Variants in FHIT observed in about 807,000 individuals in gnomAD.
FHIT encodes the protein bis(5'-adenosyl)-triphosphatase.
Under a neutral mutation model 17.9 loss-of-function variants are expected in FHIT, and 19 were observed. That is an observed-to-expected ratio of 1.06 (90% CI 0.74 to 1.56). FHIT has a LOEUF of 1.56. Among genes scored for constraint, FHIT ranks in the 40% most tolerant of loss-of-function variants. FHIT has a pLI of 0.00. For missense variants in FHIT, 248 were observed against 189.2 expected (o/e 1.31, Z -1.82); for synonymous variants, 81 against 69.7 (o/e 1.16, Z -0.81).
intron 5 of FHIT, among the ~76,000 whole-genome samples, chr3:60,386,303 T>C (rs2687169): frequency 0.56 from 84,629 of 151,504 alleles, 24,322 homozygotes; most frequent in Non-Finnish European, 0.65. Context: ...CCACCATCTG[T>C]GAGCTGCACA....
intron 5 of FHIT, among the ~76,000 whole-genome samples, chr3:60,349,784 G>C (rs1331476490): frequency 6.6e-6 from 1 of 152,168 alleles, no homozygotes; most frequent in African/African-American, 2.4e-5. Flanking sequence ...TGGAAAGCCA[G>C]TTCCATTGCT....
chr3:60,082,997 T>C (rs929539739), intron 5 of FHIT, among the ~76,000 whole-genome samples: 6 of 152,132 alleles, frequency 3.9e-5, no homozygotes, highest in African/African-American at 1.2e-4. Flanking sequence ...ATTGTGTTTA[T>C]GTTACATTGC....
At chr3:60,003,593 A>G (rs1295127480) in intron 7 of FHIT, among the ~76,000 whole-genome samples, 2 of 152,132 alleles carry the variant, frequency 1.3e-5, no homozygotes, top group African/African-American at 4.8e-5. Context: ...AAAAATACAA[A>G]TAATAGCTAG....
intron 8 of FHIT, among the ~76,000 whole-genome samples, chr3:59,855,341 T>A (rs1374870175): frequency 6.6e-6 from 1 of 152,216 alleles, no homozygotes; most frequent in East Asian, 1.9e-4. Flanking sequence ...GTCTCCAAGG[T>A]CATTATGTTC....
At chr3:59,968,079 C>T (rs1367095415) in intron 7 of FHIT, among the ~76,000 whole-genome samples, 1 of 152,010 alleles carries the variant, frequency 6.6e-6, no homozygotes. Context: ...GTCAGTTTTC[C>T]ACCTTTACCA....
At chr3:60,573,238 T>C (rs2037448002) in intron 4 of FHIT, among the ~76,000 whole-genome samples, 1 of 152,114 alleles carries the variant, frequency 6.6e-6, no homozygotes, top group Non-Finnish European at 1.5e-5. Context: ...CTGTGTGATA[T>C]TGCACTTTCC....
At chr3:60,612,500 G>A (rs149159649) in intron 4 of FHIT, among the ~76,000 whole-genome samples, 2 of 152,290 alleles carry the variant, frequency 1.3e-5, no homozygotes, top group East Asian at 3.9e-4. Context: ...CCTGGCTTTA[G>A]CAGCAGAGTA....
intron 1 of FHIT, chr3:61,244,265 T>G (rs571459673): frequency 6.6e-6 from 1 of 152,262 alleles, no homozygotes; most frequent in East Asian, 1.9e-4. Context: ...TGATTCTAAC[T>G]TACAGCCAAG....
chr3:61,185,806 A>G (rs1044102962), intron 2 of FHIT, among the ~76,000 whole-genome samples: 1 of 152,160 alleles, frequency 6.6e-6, no homozygotes, highest in Non-Finnish European at 1.5e-5. Context: ...ATTATACACA[A>G]TTTCTATTTT....
chr3:61,187,239 A>C (rs1037174301), intron 2 of FHIT, among the ~76,000 whole-genome samples: 1 of 152,154 alleles, frequency 6.6e-6, no homozygotes, highest in Non-Finnish European at 1.5e-5. Flanking sequence ...TAATGATTCA[A>C]AAAGGAGATT....
chr3:60,299,071 C>G (rs1383971138), intron 5 of FHIT, among the ~76,000 whole-genome samples: 3 of 152,094 alleles, frequency 2.0e-5, no homozygotes. Context: ...TCTGTCCCTG[C>G]CTATGTAAAT....
intron 1 of FHIT, among the ~76,000 whole-genome samples, chr3:61,215,488 T>C (rs1195441902): frequency 6.6e-6 from 1 of 152,100 alleles, no homozygotes; most frequent in African/African-American, 2.4e-5. Context: ...CTCAATGAAA[T>C]AAAAGACGAT....
intron 5 of FHIT, among the ~76,000 whole-genome samples, chr3:60,303,394 G>C (rs1435673623): frequency 2.0e-5 from 3 of 152,154 alleles, no homozygotes; most frequent in African/African-American, 7.2e-5. Flanking sequence ...ACACAGTAAA[G>C]AATTTTGAAG....
intron 5 of FHIT, among the ~76,000 whole-genome samples, chr3:60,449,842 A>T (rs1430505416): frequency 6.6e-6 from 1 of 151,898 alleles, no homozygotes; most frequent in East Asian, 1.9e-4. Flanking sequence ...ATCTCTACTA[A>T]AAATACGAAA....
intron 5 of FHIT, among the ~76,000 whole-genome samples, chr3:60,416,294 C>T (rs1348715932): frequency 2.0e-5 from 3 of 151,918 alleles, no homozygotes; most frequent in Non-Finnish European, 4.4e-5. Context: ...TTGATACAAC[C>T]AATAAAAGGG....
At chr3:60,176,499 ATGTG>A (rs1316421864) in intron 5 of FHIT, among the ~76,000 whole-genome samples, 1 of 152,234 alleles carries the variant, frequency 6.6e-6, no homozygotes, top group African/African-American at 2.4e-5. Flanking sequence ...AGCTTTAAGC[ATGTG>A]TAGTACAGGC....
intron 8 of FHIT, among the ~76,000 whole-genome samples, chr3:59,791,037 C>T (rs1194912876): frequency 1.3e-5 from 2 of 152,142 alleles, no homozygotes; most frequent in African/African-American, 2.4e-5. Flanking sequence ...CCTGACTTTG[C>T]CTGGGCTCCA....
At chr3:60,096,848 GGCAGGAGGAT>G (rs1703970304) in intron 5 of FHIT, among the ~76,000 whole-genome samples, 1 of 151,976 alleles carries the variant, frequency 6.6e-6, no homozygotes, top group Admixed American at 6.6e-5. Flanking sequence ...CTGGGGAAGG[GGCAGGAGGAT>G]GCAAGAGGGA....
At chr3:60,036,621 C>T (rs1337681343) in intron 5 of FHIT, among the ~76,000 whole-genome samples, 3 of 152,086 alleles carry the variant, frequency 2.0e-5, no homozygotes, top group Admixed American at 6.5e-5. Flanking sequence ...CCCATAGTCC[C>T]GCCACCCTAA....
Sources: gnomAD v4.1 joint callset for allele counts (sites outside exome capture counted in the v4.1 genomes callset) on GRCh38, gnomAD v4.1.1 for gene constraint, MANE v1.5 for transcripts, NCBI Gene and HGNC (gene_info 2026-07-23, HGNC 2026-07-21) for gene names.